PSMA1: variants seen among roughly 807,000 people sequenced by gnomAD.
PSMA1 encodes proteasome subunit alpha type-1.
A neutral mutation model predicts 38.4 loss-of-function variants in PSMA1; 3 were observed. That is an observed-to-expected ratio of 0.08 (90% CI 0.04 to 0.20). The LOEUF (loss-of-function observed/expected upper bound fraction) is 0.20, where lower values mean the gene tolerates loss of function less well. PSMA1 is among the 10% of genes least tolerant of loss of function. The pLI is 1.00. For missense variants in PSMA1, 227 were observed against 325.3 expected, an observed-to-expected ratio of 0.70 and a Z score of 2.32; for synonymous variants, 101 against 107.1, an observed-to-expected ratio of 0.94 and a Z score of 0.35.
At chr11:14,515,323 G>C (rs1198963227) in intron 4 of PSMA1, among the ~76,000 whole-genome samples, 3 of 152,112 alleles carry the variant, frequency 2.0e-5, no homozygotes, top group African/African-American at 7.2e-5. Context: ...TGTACACCAA[G>C]TACAAAATAA....
intron 2 of PSMA1, among the ~76,000 whole-genome samples, chr11:14,564,934 C>G (rs942515774): frequency 1.3e-5 from 2 of 151,890 alleles, no homozygotes; most frequent in African/African-American, 4.8e-5. Context: ...CACATCACCA[C>G]GCTTGGCTAA....
intron 2 of PSMA1, among the ~76,000 whole-genome samples, chr11:14,555,952 A>G (rs1851937075): frequency 6.6e-6 from 1 of 152,134 alleles, no homozygotes; most frequent in Non-Finnish European, 1.5e-5. Context: ...CTCTCCTTCT[A>G]TCAGTTTTGT....
At chr11:14,548,091 G>T (rs1248670867) in intron 2 of PSMA1, among the ~76,000 whole-genome samples, 1 of 152,000 alleles carries the variant, frequency 6.6e-6, no homozygotes, top group Non-Finnish European at 1.5e-5. Flanking sequence ...AATAATAGCT[G>T]ATGTTTATAT....
chr11:14,580,150 T>C (rs1235508649), intron 2 of PSMA1, among the ~76,000 whole-genome samples: 1 of 152,190 alleles, frequency 6.6e-6, no homozygotes, highest in Non-Finnish European at 1.5e-5. Context: ...TCTCATTGGC[T>C]GTCTATGAAT....
At chr11:14,516,201 C>T (rs1851426665) in intron 4 of PSMA1, among the ~76,000 whole-genome samples, 1 of 112,758 alleles carries the variant, frequency 8.9e-6, no homozygotes, top group South Asian at 3.2e-4. Flanking sequence ...CAGCGCGAGA[C>T]TCCGTCTCAA....
chr11:14,586,511 T>C (rs1420187104), intron 2 of PSMA1, among the ~76,000 whole-genome samples: 1 of 152,184 alleles, frequency 6.6e-6, no homozygotes, highest in Non-Finnish European at 1.5e-5. Flanking sequence ...TTGTTTTTCA[T>C]TATTCTTTAT....
intron 2 of PSMA1, among the ~76,000 whole-genome samples, chr11:14,554,585 A>T (rs1851922331): frequency 6.6e-6 from 1 of 150,916 alleles, no homozygotes; most frequent in Non-Finnish European, 1.5e-5. Context: ...TCTCCATTGA[A>T]TTTTTTTTTG....
At chr11:14,617,464 C>T (rs543972970) in intron 1 of PSMA1, among the ~76,000 whole-genome samples, 1 of 152,196 alleles carries the variant, frequency 6.6e-6, no homozygotes, top group African/African-American at 2.4e-5. Context: ...TCTCCAGTGA[C>T]TGGCACAGGG....
At chr11:14,537,021 A>C (rs1428362817) in intron 2 of PSMA1, among the ~76,000 whole-genome samples, 12 of 152,194 alleles carry the variant, frequency 7.9e-5, no homozygotes, top group Admixed American at 7.9e-4. Flanking sequence ...TGATGGAAGG[A>C]GTATGCTTAC....
At chr11:14,580,836 A>G (rs1852273160) in intron 2 of PSMA1, among the ~76,000 whole-genome samples, 1 of 152,210 alleles carries the variant, frequency 6.6e-6, no homozygotes, top group Non-Finnish European at 1.5e-5. Context: ...GTTTGGAGGC[A>G]TAATGGGGGT....
At chr11:14,618,033 C>G (rs2134202068) in intron 1 of PSMA1, among the ~76,000 whole-genome samples, 1 of 152,228 alleles carries the variant, frequency 6.6e-6, no homozygotes, top group Non-Finnish European at 1.5e-5. Flanking sequence ...GTGAGGACAT[C>G]ATTTGCTTTT....
chr11:14,535,094 A>C (rs1851689474), intron 2 of PSMA1, among the ~76,000 whole-genome samples: 1 of 152,048 alleles, frequency 6.6e-6, no homozygotes, highest in African/African-American at 2.4e-5. Context: ...AAAACAAAAA[A>C]CAAACAAAAA....
exon 2 of PSMA1, chr11:14,611,033 GTC>G: frequency 6.3e-7 from 1 of 1,584,948 alleles, no homozygotes; most frequent in Non-Finnish European, 8.7e-7. Context: ...TACAACATAG[GTC>G]TGGATTTGAC....
chr11:14,548,017 AACACACACAC>A (rs141234079), intron 2 of PSMA1, among the ~76,000 whole-genome samples: 1 of 149,336 alleles, frequency 6.7e-6, no homozygotes, highest in East Asian at 2.0e-4. Flanking sequence ...CACTATATAC[AACACACACAC>A]ACACACACAC....
chr11:14,588,739 C>A (rs1000254614), intron 2 of PSMA1, among the ~76,000 whole-genome samples: 1 of 152,130 alleles, frequency 6.6e-6, no homozygotes, highest in Admixed American at 6.5e-5. Context: ...AATATACATT[C>A]TTTATACTGG....
At chr11:14,597,198 A>T (rs185540504) in intron 2 of PSMA1, among the ~76,000 whole-genome samples, 1 of 152,306 alleles carries the variant, frequency 6.6e-6, no homozygotes, top group African/African-American at 2.4e-5. Flanking sequence ...ATATTGGTCT[A>T]AAATTACTTT....
At chr11:14,641,602 T>C (rs1853202772) in intron 1 of PSMA1, among the ~76,000 whole-genome samples, 1 of 152,236 alleles carries the variant, frequency 6.6e-6, no homozygotes, top group South Asian at 2.1e-4. Flanking sequence ...AGAGTTGGGC[T>C]TGTAGCCTTA....
intron 2 of PSMA1, among the ~76,000 whole-genome samples, chr11:14,527,595 C>G (rs190298161): frequency 1.3e-4 from 20 of 152,272 alleles, no homozygotes; most frequent in African/African-American, 4.8e-4. Context: ...GATTTGCCCC[C>G]GCCCAGGACT....
chr11:14,514,578 C>T lies in PSMA1; in HGVS notation c.255-87G>A, dbSNP rs2011264. 6.2e-4 allele frequency: 652 copies of T among 1,051,468 alleles called. 8 individuals are homozygous for T. The African/African-American group carries it at 9.9e-3, about 16-fold the overall frequency. The allele number at this position is 1,051,468 out of a possible 1,614,324, so 65.1% of individuals were successfully genotyped here. ...TTGTTTGATTTCACTTCAAATTCTTCCAAGCGTTTACATGGATAACATCCA... is the reference window on the plus strand; with the variant it reads ...TTGTTTGATTTCACTTCAAATTCTTTCAAGCGTTTACATGGATAACATCCA... On this transcript the variant is annotated intron_variant, in intron 4 of 9. Coordinates refer to ENST00000396394, the MANE Select transcript of PSMA1 (RefSeq NM_002786.4).
Sources: allele counts gnomAD v4.1 joint callset (sites outside exome capture counted in the v4.1 genomes callset), GRCh38; gene constraint gnomAD v4.1.1; transcripts MANE v1.5; gene names NCBI Gene and HGNC (gene_info 2026-07-23, HGNC 2026-07-21).